The following WNT3 variants were observed in gnomAD, a reference collection of about 807,000 sequenced individuals.
WNT3 encodes the protein Wnt family member 3.
WNT3 carries 7 observed loss-of-function variants against 34.2 expected under a neutral mutation model. The ratio of observed to expected loss-of-function variants is 0.20; its 90% CI spans 0.12 to 0.38. The LOEUF is 0.38. WNT3 is among the 10% of genes least tolerant of loss of function. The pLI is 1.00. For missense variants in WNT3, 267 were observed against 499.8 expected (o/e 0.53, Z 4.44); for synonymous variants, 212 against 211.5 (o/e 1.00, Z -0.02).
intron 1 of WNT3, among the ~76,000 whole-genome samples, chr17:46,806,549 C>T (rs973331047): frequency 2.6e-5 from 4 of 152,178 alleles, no homozygotes; most frequent in African/African-American, 9.7e-5. Flanking sequence ...GATGAAGAGG[C>T]TGCTTTCTCG....
At chr17:46,790,219 G>T (rs1195881931) in intron 1 of WNT3, among the ~76,000 whole-genome samples, 1 of 152,102 alleles carries the variant, frequency 6.6e-6, no homozygotes, top group Non-Finnish European at 1.5e-5. Flanking sequence ...TGCAACAGGC[G>T]CCTGGGTTTG....
At chr17:46,779,646 A>G (rs1386835965) in intron 1 of WNT3, among the ~76,000 whole-genome samples, 1 of 152,198 alleles carries the variant, frequency 6.6e-6, no homozygotes, top group Non-Finnish European at 1.5e-5. Context: ...AACCTTGTGC[A>G]TGGCCTTATC....
intron 4 of WNT3, among the ~76,000 whole-genome samples, chr17:46,766,330 C>T (rs1377486091): frequency 1.3e-5 from 2 of 152,044 alleles, no homozygotes; most frequent in Non-Finnish European, 2.9e-5. Context: ...ATCGCTTGAA[C>T]CCAGGTGGCG....
chr17:46,790,336 C>T (rs908772086), intron 1 of WNT3, among the ~76,000 whole-genome samples: 1 of 152,172 alleles, frequency 6.6e-6, no homozygotes, highest in Non-Finnish European at 1.5e-5. Flanking sequence ...CATTGGTTCT[C>T]ATCCCTGGCT....
Position 46,765,523 on chromosome 17 carries a change from G to A in WNT3, c.*9-902C>T, listed in dbSNP as rs142669815. 6.9e-3 allele frequency among the ~76,000 whole-genome samples: 1,049 copies of A among 152,362 alleles called. 15 individuals carry two copies. The highest frequency in any genetic ancestry group is 0.024 in the African/African-American group (1,009 of 41,592). ...TCTCCTCACCGTGTGGAGGGCCCGG[G>A]GCCTGCTCTGCGACTCCCTTCTCTC... is the stretch of plus-strand genomic sequence containing the variant. On this transcript the variant is annotated intron_variant, in intron 4 of 4. Coordinates refer to ENST00000225512, the MANE Select transcript of WNT3 (RefSeq NM_030753.5).
intron 1 of WNT3, among the ~76,000 whole-genome samples, chr17:46,787,417 G>A (rs1165870275): frequency 6.6e-6 from 1 of 152,136 alleles, no homozygotes. Flanking sequence ...AAAGCTAAGC[G>A]GGACCTTTGA....
intron 1 of WNT3, among the ~76,000 whole-genome samples, chr17:46,782,898 C>T (rs1785378661): frequency 6.6e-6 from 1 of 152,210 alleles, no homozygotes; most frequent in South Asian, 2.1e-4. Flanking sequence ...ACCTTCTTGA[C>T]ATTTCAGTGC....
chr17:46,776,925 C>A (rs893805890), intron 1 of WNT3, among the ~76,000 whole-genome samples: 2 of 152,292 alleles, frequency 1.3e-5, no homozygotes, highest in Admixed American at 6.5e-5. Flanking sequence ...CCCCCTCTCC[C>A]AGCCCTTGCT....
chr17:46,775,511 G>A (rs1437239699), intron 1 of WNT3, among the ~76,000 whole-genome samples: 1 of 152,112 alleles, frequency 6.6e-6, no homozygotes, highest in East Asian at 1.9e-4. Flanking sequence ...AGGAACTGAG[G>A]AGCCAGATCT....
chr17:46,808,276 G>C (rs1036482651), intron 1 of WNT3, among the ~76,000 whole-genome samples: 1 of 152,190 alleles, frequency 6.6e-6, no homozygotes, highest in African/African-American at 2.4e-5. Context: ...ACAGCCTGAT[G>C]GCTTGTGGAA....
intron 1 of WNT3, among the ~76,000 whole-genome samples, chr17:46,791,740 G>A (rs999356915): frequency 5.3e-5 from 8 of 152,232 alleles, no homozygotes; most frequent in Non-Finnish European, 1.0e-4. Flanking sequence ...ACGTTGTGTA[G>A]AAAAGATAAA....
intron 1 of WNT3, among the ~76,000 whole-genome samples, chr17:46,806,862 G>T (rs942084766): frequency 6.6e-6 from 1 of 152,252 alleles, no homozygotes; most frequent in African/African-American, 2.4e-5. Flanking sequence ...CATCTGCAGA[G>T]TGGGGCTTGG....
chr17:46,816,445 A>T (rs2084348067), intron 1 of WNT3, among the ~76,000 whole-genome samples: 1 of 144,406 alleles, frequency 6.9e-6, no homozygotes, highest in South Asian at 2.3e-4. Context: ...TATAGAAAAC[A>T]CCTCTTAGGG....
rs541514832 is a variant in WNT3 at position 46,800,439 on chromosome 17, G to A, written c.80+18079C>T. Among the ~76,000 whole-genome samples, 6 of 152,332 alleles carry A rather than the reference G, an allele frequency of 3.9e-5. No homozygotes were observed. The East Asian group carries it at 1.2e-3, about 29-fold the overall frequency. On this transcript the variant is annotated intron_variant, in intron 1 of 4. Coordinates refer to ENST00000225512, the MANE Select transcript of WNT3 (RefSeq NM_030753.5). Reference sequence around the variant, plus strand: ...TAACAGAATTCCTAACTGTGCTCCTGCAACACTCAGGATGATGTGTGAGGC... The same window carrying A: ...TAACAGAATTCCTAACTGTGCTCCTACAACACTCAGGATGATGTGTGAGGC...
chr17:46,816,271 T>C (rs575419580), intron 1 of WNT3, among the ~76,000 whole-genome samples: 1 of 152,028 alleles, frequency 6.6e-6, no homozygotes, highest in South Asian at 2.1e-4. Context: ...CTTACACATG[T>C]ACATACACAC....
At chr17:46,769,394 T>C (rs1401145406) in intron 3 of WNT3, among the ~76,000 whole-genome samples, 1 of 151,448 alleles carries the variant, frequency 6.6e-6, no homozygotes, top group Non-Finnish European at 1.5e-5. Context: ...AAACTGAGGC[T>C]GGGAACTTAA....
chr17:46,769,106 C>G (rs2059339968), intron 3 of WNT3, among the ~76,000 whole-genome samples: 1 of 152,130 alleles, frequency 6.6e-6, no homozygotes, highest in Admixed American at 6.5e-5. Context: ...CACCTGAAGT[C>G]AGGAGTTTGA....
At position 46,768,752 on chromosome 17, in the gene WNT3, C is replaced by T. The variant is rs1422054724; in HGVS notation, c.636G>A (p.Ser212=). 2.5e-6 allele frequency: 4 copies of T among 1,613,938 alleles called. No homozygotes were observed. The highest frequency in any genetic ancestry group is 1.3e-5 in the African/African-American group (1 of 74,914). The change falls in exon 4 of 5, where the codon TCG becomes TCA. Residue 212 remains serine, a synonymous_variant. Transcript: ENST00000225512. The surrounding 1 kb of genome is among the most constrained non-coding windows in gnomAD (Gnocchi z 5.0). ...MHLKCKCHGL[S]GSCEVKTCWW... ...AGCAGGTCTTCACCTCACAGCTGCC[C>T]GACAGCCCGTGGCACTTGCATTTGA...
At chr17:46,769,227 A>T (rs1252094718) in intron 3 of WNT3, among the ~76,000 whole-genome samples, 3 of 151,342 alleles carry the variant, frequency 2.0e-5, no homozygotes, top group Non-Finnish European at 4.4e-5. Flanking sequence ...GAGGCCGGAG[A>T]ATTGCTTGAA....
Sources: gnomAD v4.1 joint callset for allele counts (sites outside exome capture counted in the v4.1 genomes callset) on GRCh38, gnomAD v4.1.1 for gene constraint, Gnocchi (gnomAD v3.1) non-coding constraint, MANE v1.5 for transcripts, NCBI Gene and HGNC (gene_info 2026-07-23, HGNC 2026-07-21) for gene names.